SDHAF4: variants seen among roughly 807,000 people sequenced by gnomAD.
SDHAF4 encodes succinate dehydrogenase assembly factor 4, mitochondrial.
SDHAF4 carries 14 observed loss-of-function variants against 14.3 expected under a neutral mutation model. The ratio of observed to expected loss-of-function variants is 0.98; its 90% confidence interval spans 0.65 to 1.53. The LOEUF (loss-of-function observed/expected upper bound fraction) is 1.53, where lower values mean the gene tolerates loss of function less well. SDHAF4 is among the 40% of genes most tolerant of loss of function. The pLI is 0.00. For synonymous variants in SDHAF4, 63 were observed against 47.3 expected (o/e 1.33, Z -1.36); for missense variants, 141 against 129.3 (o/e 1.09, Z -0.44).
intron 2 of SDHAF4, among the ~76,000 whole-genome samples, chr6:70,584,487 T>C (rs1359114875): frequency 6.6e-6 from 1 of 152,190 alleles, no homozygotes; most frequent in Admixed American, 6.5e-5. Context: ...TAAATGAAAC[T>C]CTACAGTATG....
chr6:70,598,407 ATATCT>A, the SDHAF4 span, among the ~76,000 whole-genome samples: 1 of 152,084 alleles, frequency 6.6e-6, no homozygotes, highest in Admixed American at 6.6e-5. Flanking sequence ...GAAAAATAAA[ATATCT>A]TTTATTTGTA....
chr6:70,584,368 G>T (rs1270456303), intron 2 of SDHAF4, among the ~76,000 whole-genome samples: 5 of 152,156 alleles, frequency 3.3e-5, no homozygotes, highest in African/African-American at 9.7e-5. Context: ...GTGTAAAATA[G>T]TTCTGTCCCC....
chr6:70,579,695 A>G (rs1802297348), intron 2 of SDHAF4, 129 bp downstream of exon 2: 1 of 680,994 alleles, frequency 1.5e-6, no homozygotes. Flanking sequence ...TATTTCAACA[A>G]TGAGTAAAAT....
At chr6:70,590,773 G>C (rs1422833989), downstream of SDHAF4, among the ~76,000 whole-genome samples, 2 of 152,128 alleles carry the variant, frequency 1.3e-5, no homozygotes, top group Non-Finnish European at 2.9e-5. Flanking sequence ...GTATTAGTCA[G>C]GGCTCTTCAA....
chr6:70,584,175 C>T (rs1765172409), intron 2 of SDHAF4, among the ~76,000 whole-genome samples: 1 of 152,088 alleles, frequency 6.6e-6, no homozygotes, highest in Non-Finnish European at 1.5e-5. Flanking sequence ...TGCCACCACA[C>T]CCGGTTAATT....
At chr6:70,579,764 G>A (rs1157641869) in intron 2 of SDHAF4, among the ~76,000 whole-genome samples, 198 bp downstream of exon 2, 2 of 152,084 alleles carry the variant, frequency 1.3e-5, no homozygotes, top group African/African-American at 2.4e-5. Flanking sequence ...TCAAGATTCT[G>A]ACAGGTATTT....
chr6:70,572,638 C>T (rs945492715), intron 1 of SDHAF4, among the ~76,000 whole-genome samples: 2 of 150,384 alleles, frequency 1.3e-5, no homozygotes, highest in Non-Finnish European at 1.5e-5. Context: ...CTTATTTTTC[C>T]ATTTTCCGTG....
At chr6:70,574,914 C>A (rs1188229893) in intron 1 of SDHAF4, among the ~76,000 whole-genome samples, 1 of 138,652 alleles carries the variant, frequency 7.2e-6, no homozygotes, top group Non-Finnish European at 1.5e-5. Flanking sequence ...GGCAACAGAG[C>A]AAGACCCTTG....
intron 2 of SDHAF4, among the ~76,000 whole-genome samples, chr6:70,580,730 G>A (rs1272832892): frequency 6.6e-6 from 1 of 152,068 alleles, no homozygotes; most frequent in Admixed American, 6.6e-5. Flanking sequence ...GACCCAGAAG[G>A]GCAAATATAT....
At chr6:70,573,551 A>T (rs531315844) in intron 1 of SDHAF4, among the ~76,000 whole-genome samples, 1 of 151,972 alleles carries the variant, frequency 6.6e-6, no homozygotes, top group East Asian at 1.9e-4. Flanking sequence ...GGTGTGAGCC[A>T]CAATGCCCGG....
chr6:70,572,132 G>A (rs191466328), intron 1 of SDHAF4, among the ~76,000 whole-genome samples: 3 of 129,508 alleles, frequency 2.3e-5, no homozygotes, highest in African/African-American at 9.1e-5. Context: ...GCAGTGGTGC[G>A]ATCTTGGCTC....
At chr6:70,571,556 G>T (rs1802178230) in intron 1 of SDHAF4, among the ~76,000 whole-genome samples, 1 of 152,102 alleles carries the variant, frequency 6.6e-6, no homozygotes, top group Non-Finnish European at 1.5e-5. Flanking sequence ...CTCGTGATAT[G>T]CCTGCCTTGG....
At position 70,566,947 on chromosome 6, in the gene SDHAF4, C is replaced by G. The variant is rs745766552; in HGVS notation, c.7C>G (p.Pro3Ala). 1 of 1,586,376 alleles carries G rather than the reference C, an allele frequency of 6.3e-7. No homozygotes were observed. Among genetic ancestry groups the G allele is most frequent in the African/African-American group, 1.3e-5 (1 of 74,484 alleles). Residue 3 changes from proline to alanine, a missense_variant, in exon 1 of 3, where the codon CCA becomes GCA. Pro to Ala is a conservative substitution (Grantham distance 27). Transcript: ENST00000370474. The stretch of plus-strand genomic sequence containing the variant: ...GGCTCGGGGAGTCGGCGCCATGACC[C>G]CATCGAGGCTTCCCTGGTTGCTTAG... MTPSRLPWLLSWV... is the reference protein window; with the variant it reads MTASRLPWLLSWV...
At chr6:70,570,369 C>T (rs1359115275) in intron 1 of SDHAF4, among the ~76,000 whole-genome samples, 2 of 152,074 alleles carry the variant, frequency 1.3e-5, no homozygotes, top group Admixed American at 6.6e-5. Context: ...GTCACCCAGG[C>T]TGGAGTGCAG....
Position 70,589,106 on chromosome 6 carries a change from A to C in SDHAF4, c.*382A>C, listed in dbSNP as rs1278771361. 6.5e-6 allele frequency: 1 copy of C among 153,714 alleles called. No homozygotes were observed. Among genetic ancestry groups the C allele is most frequent in the Non-Finnish European group, 1.4e-5 (1 of 69,244 alleles). 9.5% of individuals were successfully genotyped at this position (153,714 alleles called of 1,614,324 possible). A position where few individuals can be genotyped will look rare whatever the true frequency, so the allele number is the denominator to read the frequency against. ...CAAGAGCGAAACTCCGTCTCAAAAA[A>C]AAAGATAGGAAAGGGAAAATATTTT... is the stretch of plus-strand genomic sequence containing the variant. On this transcript the variant is annotated 3_prime_UTR_variant, in exon 3 of 3. Coordinates refer to ENST00000370474, the MANE Select transcript of SDHAF4 (RefSeq NM_145267.3).
intron 1 of SDHAF4, among the ~76,000 whole-genome samples, chr6:70,571,304 A>C (rs1802174783): frequency 6.6e-6 from 1 of 152,180 alleles, no homozygotes; most frequent in Non-Finnish European, 1.5e-5. Context: ...AAAGGATCAT[A>C]GTGATTATAT....
At chr6:70,576,120 T>G (rs116306027) in intron 1 of SDHAF4, among the ~76,000 whole-genome samples, 1,830 of 152,340 alleles carry the variant, frequency 0.012, 26 homozygotes, top group African/African-American at 0.041. Flanking sequence ...TGTGCTTCAC[T>G]ACCAACACCC....
chr6:70,588,930 G>A lies in SDHAF4; in HGVS notation c.*206G>A, dbSNP rs903100094. The stretch of plus-strand genomic sequence containing the variant: ...AGCCTGACCAATATGGAGAAATCTC[G>A]CCTTTACTAAAAATACAAAATTAGC... On this transcript the variant is annotated 3_prime_UTR_variant, in exon 3 of 3. Coordinates refer to ENST00000370474, the MANE Select transcript of SDHAF4 (RefSeq NM_145267.3). 2.9e-5 allele frequency: 6 copies of A among 208,226 alleles called. No homozygotes were observed. Among genetic ancestry groups the A allele is most frequent in the South Asian group, 1.2e-4 (1 of 8,150 alleles). 12.9% of individuals were successfully genotyped at this position (208,226 alleles called of 1,614,324 possible).
At chr6:70,579,337 A>C (rs577558865) in intron 1 of SDHAF4, 77 bp from the exon 2 acceptor site, 195 of 1,171,820 alleles carry the variant, frequency 1.7e-4, no homozygotes, top group Non-Finnish European at 2.1e-4. Context: ...ACTAAAAACA[A>C]ATAAATAAAA....
Sources: gnomAD v4.1 joint callset for allele counts (sites outside exome capture counted in the v4.1 genomes callset) on GRCh38, gnomAD v4.1.1 for gene constraint, MANE v1.5 for transcripts, NCBI Gene and HGNC (gene_info 2026-07-23, HGNC 2026-07-21) for gene names.